The following NCR2 variants were observed in gnomAD, a reference collection of about 807,000 sequenced individuals.
The protein encoded by NCR2 is NK cell activating receptor (NKp44).
NCR2 carries 35 observed loss-of-function variants against 30.7 expected under a neutral mutation model. That is an observed-to-expected ratio of 1.14 (90% CI 0.87 to 1.51). The LOEUF is 1.51. Among genes scored for constraint, NCR2 ranks in the 40% most tolerant of loss-of-function variants. The pLI is 0.00. For synonymous variants in NCR2, 146 were observed against 134.8 expected (o/e 1.08, Z -0.58); for missense variants, 316 against 328.9 (o/e 0.96, Z 0.30).
chr6:41,342,247 G>A (rs887717539), intron 4 of NCR2, 98 bp downstream of exon 4: 5 of 1,500,224 alleles, frequency 3.3e-6, no homozygotes, highest in Middle Eastern at 1.8e-4. Flanking sequence ...GAACAGAGGT[G>A]GAAATTATAA....
intron 4 of NCR2, among the ~76,000 whole-genome samples, chr6:41,346,771 G>C (rs974954209): frequency 6.7e-6 from 1 of 149,726 alleles, no homozygotes; most frequent in Non-Finnish European, 1.5e-5. Flanking sequence ...TGCTCAGCTG[G>C]TGTGCCCACA....
At chr6:41,344,194 C>T (rs1256208453) in intron 4 of NCR2, among the ~76,000 whole-genome samples, 2 of 152,228 alleles carry the variant, frequency 1.3e-5, no homozygotes, top group Non-Finnish European at 2.9e-5. Context: ...AGTGTCGTTA[C>T]TGGGGTCCCA....
At chr6:41,350,610 C>T (rs971212463) in intron 4 of NCR2, 68 bp from the exon 5 acceptor site, 1 of 1,386,388 alleles carries the variant, frequency 7.2e-7, no homozygotes, top group African/African-American at 1.4e-5. Context: ...GAAGGGGTTG[C>T]CTCTGCACCT....
chr6:41,338,877 A>G (rs1039251138), intron 2 of NCR2, among the ~76,000 whole-genome samples: 10 of 152,212 alleles, frequency 6.6e-5, no homozygotes, highest in African/African-American at 2.4e-4. Flanking sequence ...ATGTTTTGGC[A>G]ATTGTAGATG....
At position 41,345,833 on chromosome 6, in the gene NCR2, G is replaced by C. The variant is rs536021568; in HGVS notation, c.644+3684G>C. 7.2e-5 allele frequency among the ~76,000 whole-genome samples: 11 copies of C among 152,262 alleles called. No homozygotes were observed. The South Asian group carries it at 2.1e-3, about 29-fold the overall frequency. On this transcript the variant is annotated intron_variant, in intron 4 of 4. Transcript: ENST00000373089. ...TGCGCAGTCATCAGCACAAGCTCCT[G>C]TATGCTCAGCTTCTCTGAACGTCAC...
At chr6:41,348,982 A>C (rs977444357) in intron 4 of NCR2, among the ~76,000 whole-genome samples, 2 of 151,544 alleles carry the variant, frequency 1.3e-5, no homozygotes, top group African/African-American at 4.8e-5. Context: ...AATTCATGAA[A>C]GGGCCTTTTG....
intron 4 of NCR2, among the ~76,000 whole-genome samples, chr6:41,346,330 G>T (rs183187364): frequency 1.1e-3 from 173 of 152,134 alleles, no homozygotes; most frequent in Non-Finnish European, 2.1e-3. Context: ...GTCAGTAAGC[G>T]CCAATAGCCC....
At position 41,335,669 on chromosome 6, in the gene NCR2, A is replaced by G; in HGVS notation, c.-208A>G. On this transcript the variant is annotated 5_prime_UTR_variant, in exon 1 of 5. Transcript: ENST00000373089. ...AGACAGCGCCGAGCCCACCAGACCC[A>G]GACTCACCTACAGCTGGAGATCCCC... 1 of 620,244 alleles carries G rather than the reference A, an allele frequency of 1.6e-6. No homozygotes were observed. The highest frequency in any genetic ancestry group is 2.9e-6 in the Non-Finnish European group (1 of 346,144). The allele number at this position is 620,244 out of a possible 1,614,324, so 38.4% of individuals were successfully genotyped here.
In NCR2 at chr6:41,342,164, G is replaced by A; in HGVS notation, c.644+15G>A. The A allele has an allele frequency of 6.2e-7, 1 of 1,611,014 alleles. No individual in the cohort carries two copies. The highest frequency in any genetic ancestry group is 2.2e-5 in the East Asian group (1 of 44,866). On this transcript the variant is annotated intron_variant, in intron 4 of 4. Coordinates refer to ENST00000373089, the MANE Select transcript of NCR2 (RefSeq NM_004828.4). The stretch of plus-strand genomic sequence containing the variant: ...CTCGTCTGGTGGTGAGTGTGGTGTG[G>A]GTTGAACTCGGGGAAAATGGAACAG...
chr6:41,343,189 T>G (rs1013842403), intron 4 of NCR2, among the ~76,000 whole-genome samples: 4 of 152,262 alleles, frequency 2.6e-5, no homozygotes, highest in Admixed American at 6.5e-5. Flanking sequence ...TCACCCTCAG[T>G]TTGCACTGCG....
intron 2 of NCR2, among the ~76,000 whole-genome samples, chr6:41,340,598 TG>T (rs1769145383): frequency 6.6e-6 from 1 of 152,204 alleles, no homozygotes; most frequent in South Asian, 2.1e-4. Flanking sequence ...TTCAATGAGA[TG>T]AGACGAGTTA....
Position 41,335,667 on chromosome 6 carries a change from C to T in NCR2, c.-210C>T. On this transcript the variant is annotated 5_prime_UTR_variant, in exon 1 of 5. Transcript: ENST00000373089. The stretch of plus-strand genomic sequence containing the variant: ...CCAGACAGCGCCGAGCCCACCAGAC[C>T]CAGACTCACCTACAGCTGGAGATCC... 1.6e-6 allele frequency: 1 copy of T among 617,210 alleles called. No homozygotes were observed. The allele number at this position is 617,210 out of a possible 1,614,324, so 38.2% of individuals were successfully genotyped here.
rs559571221 is a variant in NCR2, at chr6:41,347,098, C to T, written c.645-3580C>T. Among the ~76,000 whole-genome samples the T allele has an allele frequency of 5.9e-5, 9 of 152,262 alleles. No individual in the cohort carries two copies. The South Asian group carries it at 1.9e-3, about 32-fold the overall frequency. On this transcript the variant is annotated intron_variant, in intron 4 of 4. Transcript: ENST00000373089. ...AGCATGGAGGTGCGTACTTGTGGTC[C>T]CAGCTACTTGGGAGGCTGAGGCAGG...
chr6:41,337,323 A>G (rs1014188172), intron 2 of NCR2, among the ~76,000 whole-genome samples: 2 of 152,262 alleles, frequency 1.3e-5, no homozygotes, highest in Non-Finnish European at 2.9e-5. Flanking sequence ...AAAAATTTAT[A>G]AAAACTGTAT....
chr6:41,338,785 C>A (rs1014102978), intron 2 of NCR2, among the ~76,000 whole-genome samples: 1 of 152,140 alleles, frequency 6.6e-6, no homozygotes, highest in Non-Finnish European at 1.5e-5. Flanking sequence ...ATATGTTGAC[C>A]TAAGGCGTCA....
intron 4 of NCR2, among the ~76,000 whole-genome samples, chr6:41,349,105 T>C (rs2114069064): frequency 6.8e-6 from 1 of 147,114 alleles, no homozygotes; most frequent in Admixed American, 6.8e-5. Flanking sequence ...TTTTTTATAT[T>C]TTTATTTTTT....
At chr6:41,343,804 C>G in intron 4 of NCR2, among the ~76,000 whole-genome samples, 1 of 95,656 alleles carries the variant, frequency 1.0e-5, no homozygotes, top group East Asian at 2.9e-4. Flanking sequence ...GTGAGATAAA[C>G]AACTTGGTTT....
intron 4 of NCR2, among the ~76,000 whole-genome samples, chr6:41,348,856 C>A (rs1161657872): frequency 6.6e-6 from 1 of 152,080 alleles, no homozygotes; most frequent in East Asian, 1.9e-4. Flanking sequence ...ACAAATTTCT[C>A]CAAGAGAAGA....
chr6:41,335,649 G>A lies in NCR2; in HGVS notation c.-228G>A. The stretch of plus-strand genomic sequence containing the variant: ...GGCCTGGGAAGCTGTGTGCCAGACA[G>A]CGCCGAGCCCACCAGACCCAGACTC... On this transcript the variant is annotated 5_prime_UTR_variant, in exon 1 of 5. Coordinates refer to ENST00000373089, the MANE Select transcript of NCR2 (RefSeq NM_004828.4). The A allele has an allele frequency of 1.8e-6, 1 of 571,178 alleles. No homozygotes were observed. The allele number at this position is 571,178 out of a possible 1,614,324, so 35.4% of individuals were successfully genotyped here. A position where few individuals can be genotyped will look rare whatever the true frequency, so the allele number is the denominator to read the frequency against.
Sources: gnomAD v4.1 joint callset for allele counts (sites outside exome capture counted in the v4.1 genomes callset) on GRCh38, gnomAD v4.1.1 for gene constraint, MANE v1.5 for transcripts, NCBI Gene and HGNC (gene_info 2026-07-23, HGNC 2026-07-21) for gene names.